DYNC1I1: variants seen among roughly 807,000 people sequenced by gnomAD.
The protein encoded by DYNC1I1 is cytoplasmic dynein 1 intermediate chain 1.
In DYNC1I1, 43 loss-of-function variants were observed where a neutral mutation model predicts 86.6. The observed-to-expected ratio is 0.50, with a 90% CI of 0.39 to 0.64. The LOEUF (loss-of-function observed/expected upper bound fraction) is 0.64, where lower values mean the gene tolerates loss of function less well. Among genes scored for constraint, DYNC1I1 ranks in the 30% least tolerant of loss-of-function variants. The pLI is 0.00. For synonymous variants in DYNC1I1, 262 were observed against 283.7 expected (o/e 0.92, Z 0.77); for missense variants, 604 against 788.8 (o/e 0.77, Z 2.81).
intron 6 of DYNC1I1, among the ~76,000 whole-genome samples, chr7:95,957,247 A>G (rs988481049): frequency 6.6e-6 from 1 of 152,222 alleles, no homozygotes; most frequent in Admixed American, 6.5e-5. Context: ...TCTCTCTGTC[A>G]GAGGAAGTTG....
chr7:96,075,973 T>C lies in DYNC1I1; in HGVS notation c.1510-84T>C, dbSNP rs747559354. 4 of 1,526,420 alleles carry C rather than the reference T, an allele frequency of 2.6e-6. No individual in the cohort carries two copies. In the South Asian group the frequency reaches 3.9e-5, roughly 15 times the overall value. The allele number at this position is 1,526,420 out of a possible 1,614,324, so 94.6% of individuals were successfully genotyped here. On this transcript the variant is annotated intron_variant, in intron 14 of 16. Coordinates refer to ENST00000447467, the MANE Select transcript of DYNC1I1 (RefSeq NM_001135556.2). ...GGGAAGTTTTATGACACTTTGTGAA[T>C]GTGCAAAGTTTTTAATTAGGCTCTC... is the stretch of plus-strand genomic sequence containing the variant.
intron 9 of DYNC1I1, among the ~76,000 whole-genome samples, chr7:95,994,336 A>T (rs932842777): frequency 6.6e-6 from 1 of 152,140 alleles, no homozygotes; most frequent in Non-Finnish European, 1.5e-5. Flanking sequence ...GTAGAAAAAA[A>T]ATTATAATGC....
intron 14 of DYNC1I1, among the ~76,000 whole-genome samples, chr7:96,046,736 T>C (rs1328872915): frequency 6.6e-6 from 1 of 152,186 alleles, no homozygotes; most frequent in Non-Finnish European, 1.5e-5. Context: ...CCAGATGCAG[T>C]GACCAGCAGA....
chr7:95,819,258 T>G (rs1309071770), intron 4 of DYNC1I1, among the ~76,000 whole-genome samples: 1 of 152,222 alleles, frequency 6.6e-6, no homozygotes, highest in Non-Finnish European at 1.5e-5. Context: ...CTATTCAGTT[T>G]CTTATTGACA....
chr7:95,920,969 A>G (rs319326), intron 6 of DYNC1I1, among the ~76,000 whole-genome samples: 144,957 of 152,284 alleles, frequency 0.95, 69,051 homozygotes, highest in East Asian at 1. Flanking sequence ...TTAGTAGTAG[A>G]TGGCCGCTTT....
intron 5 of DYNC1I1, among the ~76,000 whole-genome samples, chr7:95,858,411 G>A (rs1789782170): frequency 1.3e-5 from 2 of 152,122 alleles, no homozygotes; most frequent in African/African-American, 4.8e-5. Flanking sequence ...ACTGCATCCT[G>A]TTGTACAGTA....
At chr7:95,916,747 G>A (rs1344716768) in intron 6 of DYNC1I1, among the ~76,000 whole-genome samples, 1 of 151,962 alleles carries the variant, frequency 6.6e-6, no homozygotes, top group African/African-American at 2.4e-5. Context: ...GATTCCGCAC[G>A]CTGCACAAAA....
At chr7:95,940,059 C>G (rs991873690) in intron 6 of DYNC1I1, among the ~76,000 whole-genome samples, 10 of 152,112 alleles carry the variant, frequency 6.6e-5, no homozygotes, top group Admixed American at 6.5e-4. Flanking sequence ...ATTTATGAAG[C>G]TTAGTTTGGC....
At chr7:95,810,062 G>C (rs959096919) in intron 2 of DYNC1I1, among the ~76,000 whole-genome samples, 1 of 152,056 alleles carries the variant, frequency 6.6e-6, no homozygotes, top group African/African-American at 2.4e-5. Flanking sequence ...GGACAAGGAA[G>C]TCTAAAAAAA....
At chr7:96,060,221 C>T (rs1408295632) in intron 14 of DYNC1I1, among the ~76,000 whole-genome samples, 1 of 152,144 alleles carries the variant, frequency 6.6e-6, no homozygotes, top group Non-Finnish European at 1.5e-5. Flanking sequence ...CCAAGAACCA[C>T]CCTCCTGTGG....
At chr7:95,869,157 A>G (rs1790094357) in intron 5 of DYNC1I1, among the ~76,000 whole-genome samples, 1 of 152,176 alleles carries the variant, frequency 6.6e-6, no homozygotes. Context: ...CACATACTTC[A>G]TAGAGGTGTC....
chr7:95,895,996 G>A (rs1274840894), intron 6 of DYNC1I1, among the ~76,000 whole-genome samples: 1 of 152,200 alleles, frequency 6.6e-6, no homozygotes, highest in African/African-American at 2.4e-5. Flanking sequence ...TCCTAGGGCA[G>A]TTATCTGAGA....
intron 10 of DYNC1I1, among the ~76,000 whole-genome samples, chr7:96,008,376 T>C (rs1322799331): frequency 6.6e-6 from 1 of 151,886 alleles, no homozygotes; most frequent in Non-Finnish European, 1.5e-5. Context: ...CTTTGAGCTG[T>C]ATAAGAAAGG....
At chr7:95,928,008 G>A (rs777770453) in intron 6 of DYNC1I1, among the ~76,000 whole-genome samples, 28 of 152,200 alleles carry the variant, frequency 1.8e-4, no homozygotes, top group Non-Finnish European at 3.5e-4. Flanking sequence ...GTGTGGCGTG[G>A]AAGCCTGCGC....
chr7:95,826,147 T>C (rs2115914548), intron 4 of DYNC1I1, among the ~76,000 whole-genome samples: 1 of 152,308 alleles, frequency 6.6e-6, no homozygotes. Context: ...TTTAGCAATA[T>C]TCCCGGGTAT....
intron 5 of DYNC1I1, among the ~76,000 whole-genome samples, chr7:95,850,207 T>C (rs1313252297): frequency 6.6e-6 from 1 of 152,234 alleles, no homozygotes; most frequent in Non-Finnish European, 1.5e-5. Context: ...TTTCTTTCTC[T>C]TGCCTAATTG....
chr7:96,047,058 G>T (rs79441947), intron 14 of DYNC1I1, among the ~76,000 whole-genome samples: 2,388 of 152,272 alleles, frequency 0.016, 61 homozygotes, highest in African/African-American at 0.055. Flanking sequence ...GGTGCCAGTA[G>T]ATTTGGTGTC....
intron 10 of DYNC1I1, among the ~76,000 whole-genome samples, chr7:95,997,647 C>G (rs764906186): frequency 4.2e-5 from 6 of 141,524 alleles, no homozygotes; most frequent in Non-Finnish European, 7.7e-5. Context: ...ATTGACTAAA[C>G]ATTTCTCCAA....
intron 16 of DYNC1I1, among the ~76,000 whole-genome samples, chr7:96,083,362 T>G (rs1229702559): frequency 6.6e-6 from 1 of 152,120 alleles, no homozygotes; most frequent in African/African-American, 2.4e-5. Flanking sequence ...CAAAGCTTTA[T>G]TCTAAATCGC....
Sources: gnomAD v4.1 joint callset for allele counts (sites outside exome capture counted in the v4.1 genomes callset) on GRCh38, gnomAD v4.1.1 for gene constraint, MANE v1.5 for transcripts, NCBI Gene and HGNC (gene_info 2026-07-23, HGNC 2026-07-21) for gene names.